AJM1: variants seen among roughly 807,000 people sequenced by gnomAD.
AJM1 encodes the protein apical junction component 1 homolog, also known as uncharacterized protein C9orf172.
AJM1 carries 22 observed loss-of-function variants against 43.0 expected under a neutral mutation model. That is an observed-to-expected ratio of 0.51 (90% CI 0.37 to 0.73). AJM1 has a LOEUF of 0.73. Among genes scored for constraint, AJM1 ranks in the 30% least tolerant of loss-of-function variants. The pLI is 0.00. For missense variants in AJM1, 1,305 were observed against 1,343.3 expected (o/e 0.97, Z 0.45); for synonymous variants, 719 against 638.3 (o/e 1.13, Z -1.91).
chr9:136,843,541 C>T (rs557643855), intron 1 of AJM1, among the ~76,000 whole-genome samples: 1 of 152,318 alleles, frequency 6.6e-6, no homozygotes, highest in East Asian at 1.9e-4. Flanking sequence ...CTTGCAAACC[C>T]TAGGGGGGTG....
chr9:136,844,796 G>A lies in AJM1; in HGVS notation c.382G>A (p.Ala128Thr). Residue 128 changes from alanine to threonine, a missense_variant, in exon 3 of 3, where the codon GCA (alanine) becomes ACA (threonine). By Grantham distance (58) the Ala-to-Thr change is moderately conservative. This residue lies in a region of AJM1 where 653 missense variants were observed against 549.1 expected (regional missense o/e 1.19). Transcript: ENST00000436881. ...GGCCCAGCGTGCGGCGCGGGCCGAGGCATCGCCGCGCCGGGAGCCCGCGTA... is the reference window on the plus strand; with the variant it reads ...GGCCCAGCGTGCGGCGCGGGCCGAGACATCGCCGCGCCGGGAGCCCGCGTA... Reference protein sequence around the residue: ...REAQRAARAEASPRREPAYPA... With the variant: ...REAQRAARAETSPRREPAYPA... 1 of 236,252 alleles carries A rather than the reference G, an allele frequency of 4.2e-6. No homozygotes were observed. Among genetic ancestry groups the A allele is most frequent in the Non-Finnish European group, 7.2e-6 (1 of 138,152 alleles). 14.6% of individuals were successfully genotyped at this position (236,252 alleles called of 1,614,324 possible). A position where few individuals can be genotyped will look rare whatever the true frequency, so the allele number is the denominator to read the frequency against.
rs528055709 is a variant in AJM1 at position 136,846,076 on chromosome 9, C to T, written c.1662C>T (p.Pro554=). 7.0e-5 allele frequency: 108 copies of T among 1,533,210 alleles called. 2 individuals carry two copies. In the African/African-American group the frequency reaches 1.1e-3, roughly 15 times the overall value. The allele number at this position is 1,533,210 out of a possible 1,614,324, so 95.0% of individuals were successfully genotyped here. A position where few individuals can be genotyped will look rare whatever the true frequency, so the allele number is the denominator to read the frequency against. Residue 554 remains proline (P), a synonymous_variant, in exon 3 of 3, where the codon CCC becomes CCT. Transcript: ENST00000436881. The part of the protein sequence containing the change: ...ERPSARAWEL[P]GGRTRPPPHA... ...CGAGCGCCAGGGCCTGGGAGTTGCCCGGGGGCCGCACGCGGCCACCTCCCC... is the reference window on the plus strand; with the variant it reads ...CGAGCGCCAGGGCCTGGGAGTTGCCTGGGGGCCGCACGCGGCCACCTCCCC...
chr9:136,846,035 C>A lies in AJM1; in HGVS notation c.1621C>A (p.Arg541Ser). The A allele has an allele frequency of 6.5e-7, 1 of 1,544,150 alleles. No homozygotes were observed. Among genetic ancestry groups the A allele is most frequent in the East Asian group, 2.5e-5 (1 of 40,794 alleles). The change falls in exon 3 of 3, where the codon CGC (arginine) becomes AGC (serine). Residue 541 changes from arginine to serine, a missense_variant. Arg to Ser is a moderately radical substitution (Grantham distance 110). Transcript: ENST00000436881. Reference protein sequence around the residue: ...PEITITDNDLRATERPSARAW... With the variant: ...PEITITDNDLSATERPSARAW... ...GATCACCATCACTGACAATGACCTG[C>A]GCGCCACCGAGCGCCCGAGCGCCAG...
Position 136,845,132 on chromosome 9 carries a change from A to C in AJM1, c.718A>C (p.Thr240Pro). Residue 240 changes from threonine to proline, a missense_variant, in exon 3 of 3, where the codon ACG becomes CCG. Thr to Pro is a conservative substitution (Grantham distance 38, BLOSUM62 -1). Around this residue, in one of 6 missense-constraint regions of AJM1, gnomAD observed 653 missense variants for 549.1 expected, o/e 1.19. Coordinates refer to ENST00000436881, the MANE Select transcript of AJM1 (RefSeq NM_001080482.5). ...PRHMALSRTP[T>P]PSDSYCADPR... ...CCACATGGCGCTGTCGCGCACCCCG[A>C]CGCCCAGCGACTCATACTGTGCGGA... 6.4e-7 allele frequency: 1 copy of C among 1,553,052 alleles called. No homozygotes were observed. Among genetic ancestry groups the C allele is most frequent in the Non-Finnish European group, 8.7e-7 (1 of 1,143,644 alleles).
In AJM1 at chr9:136,846,987, C is replaced by A; in HGVS notation, c.2573C>A (p.Ala858Glu). The A allele has an allele frequency of 8.2e-7, 1 of 1,225,072 alleles. No homozygotes were observed. The highest frequency in any genetic ancestry group is 1.1e-6 in the Non-Finnish European group (1 of 933,546). 75.9% of individuals were successfully genotyped at this position (1,225,072 alleles called of 1,614,324 possible). Residue 858 changes from alanine to glutamate, a missense_variant, in exon 3 of 3, where the codon GCG becomes GAG. Physicochemically the swap from Ala to Glu is moderately radical, Grantham distance 107. This residue lies in a region of AJM1 where 391 missense variants were observed against 507.5 expected (regional missense o/e 0.77). Transcript: ENST00000436881. ...AKVALAAGSP[A>E]RPPPARSREP... ...GTAGCGCTGGCGGCCGGCAGCCCCG[C>A]GCGGCCGCCCCCGGCGCGGAGCCGC... is the stretch of plus-strand genomic sequence containing the variant.
rs775046112 is a variant in AJM1 at position 136,846,460 on chromosome 9, C to T, written c.2046C>T (p.Tyr682=). The T allele has an allele frequency of 1.0e-5, 16 of 1,594,252 alleles. No homozygotes were observed. The highest frequency in any genetic ancestry group is 2.2e-5 in the East Asian group (1 of 44,724). The change falls in exon 3 of 3, where the codon TAC becomes TAT. Residue 682 remains tyrosine, a synonymous_variant. Transcript: ENST00000436881. ...RTETMFNACL[Y]FKSCHSCYTY... is the part of the protein sequence containing the mutation. The stretch of plus-strand genomic sequence containing the variant: ...AGACCATGTTCAACGCCTGCCTCTA[C>T]TTCAAGTCCTGCCACAGCTGCTACA...
Position 136,846,190 on chromosome 9 carries a change from A to G in AJM1, c.1776A>G (p.Arg592=). The G allele has an allele frequency of 6.6e-7, 1 of 1,510,496 alleles. No individual in the cohort carries two copies. Among genetic ancestry groups the G allele is most frequent in the Non-Finnish European group, 8.8e-7 (1 of 1,137,176 alleles). 93.6% of individuals were successfully genotyped at this position (1,510,496 alleles called of 1,614,324 possible). A position where few individuals can be genotyped will look rare whatever the true frequency, so the allele number is the denominator to read the frequency against. Reference sequence around the variant, plus strand: ...TCACGGACCTGGTCATCGACTCGCGACCCACCGCCGGCCAGGCCTCAGAGC... The same window carrying G: ...TCACGGACCTGGTCATCGACTCGCGGCCCACCGCCGGCCAGGCCTCAGAGC... ...ELITDLVIDS[R]PTAGQASEPA... is the part of the protein sequence containing the mutation. The change falls in exon 3 of 3, where the codon CGA becomes CGG. Residue 592 remains arginine, a synonymous_variant. Coordinates refer to ENST00000436881, the MANE Select transcript of AJM1 (RefSeq NM_001080482.5).
chr9:136,847,362 G>A lies in AJM1; in HGVS notation c.*17G>A, dbSNP rs1360934750. 8 of 1,484,814 alleles carry A rather than the reference G, an allele frequency of 5.4e-6. No individual in the cohort carries two copies. Among genetic ancestry groups the A allele is most frequent in the East Asian group, 2.7e-5 (1 of 37,270 alleles). The allele number at this position is 1,484,814 out of a possible 1,614,324, so 92.0% of individuals were successfully genotyped here. A position where few individuals can be genotyped will look rare whatever the true frequency, so the allele number is the denominator to read the frequency against. ...ATCATGTGAGGCGCCGGGCCCACCAGGCCTAGCCCAGGCGCTGGCCCGAAC... is the reference window on the plus strand; with the variant it reads ...ATCATGTGAGGCGCCGGGCCCACCAAGCCTAGCCCAGGCGCTGGCCCGAAC... On this transcript the variant is annotated 3_prime_UTR_variant, in exon 3 of 3. Coordinates refer to ENST00000436881, the MANE Select transcript of AJM1 (RefSeq NM_001080482.5).
rs1192558240 is a variant in AJM1 at position 136,845,989 on chromosome 9, C to G, written c.1575C>G (p.Arg525=). Residue 525 remains arginine (R), a synonymous_variant, in exon 3 of 3, where the codon CGC becomes CGG. Coordinates refer to ENST00000436881, the MANE Select transcript of AJM1 (RefSeq NM_001080482.5). Reference sequence around the variant, plus strand: ...GCCGCGCGGGCGAGGGCCTGGGCCGCAACTGGTACGTGACGCCCGAGATCA... The same window carrying G: ...GCCGCGCGGGCGAGGGCCTGGGCCGGAACTGGTACGTGACGCCCGAGATCA... The part of the protein sequence containing the change: ...EKGRAGEGLG[R]NWYVTPEITI... 6.4e-7 allele frequency: 1 copy of G among 1,552,936 alleles called. No individual in the cohort carries two copies. The highest frequency in any genetic ancestry group is 8.7e-7 in the Non-Finnish European group (1 of 1,149,836).
Position 136,847,090 on chromosome 9 carries a change from G to C in AJM1, c.2676G>C (p.Arg892=), listed in dbSNP as rs1204361640. 2.7e-6 allele frequency: 4 copies of C among 1,482,304 alleles called. No individual in the cohort carries two copies. The highest frequency in any genetic ancestry group is 3.6e-6 in the Non-Finnish European group (4 of 1,107,848). The allele number at this position is 1,482,304 out of a possible 1,614,324, so 91.8% of individuals were successfully genotyped here. The part of the protein sequence containing the change: ...AGLDQDGEAG[R]RAREVAFIHI... Reference sequence around the variant, plus strand: ...TGGATCAGGACGGCGAGGCGGGCCGGCGCGCGCGCGAGGTGGCCTTCATCC... The same window carrying C: ...TGGATCAGGACGGCGAGGCGGGCCGCCGCGCGCGCGAGGTGGCCTTCATCC... The change falls in exon 3 of 3, where the codon CGG becomes CGC. Residue 892 remains arginine, a synonymous_variant. Transcript: ENST00000436881.
chr9:136,846,278 G>A lies in AJM1; in HGVS notation c.1864G>A (p.Gly622Arg), dbSNP rs1295142970. The part of the protein sequence containing the change: ...RLLDSRPAGS[G>R]APALAPPRSP... ...GCTGGACTCGCGGCCCGCGGGCTCC[G>A]GGGCCCCCGCGCTGGCGCCGCCACG... The change falls in exon 3 of 3, where the codon GGG (glycine) becomes AGG (arginine). Residue 622 changes from glycine (G) to arginine (R), a missense_variant. By Grantham distance (125) the Gly-to-Arg change is moderately radical. Transcript: ENST00000436881. 4 of 1,222,476 alleles carry A rather than the reference G, an allele frequency of 3.3e-6. No homozygotes were observed. Among genetic ancestry groups the A allele is most frequent in the South Asian group, 2.8e-5 (1 of 35,850 alleles). The allele number at this position is 1,222,476 out of a possible 1,614,324, so 75.7% of individuals were successfully genotyped here. A position where few individuals can be genotyped will look rare whatever the true frequency, so the allele number is the denominator to read the frequency against.
Position 136,846,487 on chromosome 9 carries a change from C to A in AJM1, c.2073C>A (p.Thr691=). ...LYFKSCHSCY[T]YYCSRLCRRE... The stretch of plus-strand genomic sequence containing the variant: ...TCAAGTCCTGCCACAGCTGCTACAC[C>A]TACTACTGCTCGCGCCTGTGCCGCC... Residue 691 remains threonine (T), a synonymous_variant, in exon 3 of 3, where the codon ACC becomes ACA. Transcript: ENST00000436881. 1.3e-6 allele frequency: 2 copies of A among 1,592,554 alleles called. No individual in the cohort carries two copies. The highest frequency in any genetic ancestry group is 1.7e-6 in the Non-Finnish European group (2 of 1,176,062).
Position 136,845,591 on chromosome 9 carries a change from C to G in AJM1, c.1177C>G (p.Pro393Ala). Residue 393 changes from proline to alanine, a missense_variant, in exon 3 of 3, where the codon CCG becomes GCG. By Grantham distance (27) the Pro-to-Ala change is conservative. Coordinates refer to ENST00000436881, the MANE Select transcript of AJM1 (RefSeq NM_001080482.5). ...GCGTGACGTCCTGGCTCGGACGTAC[C>G]CGCACCCGCGCAGCAGCCCGGCCTG... ...RERDVLARTY[P>A]HPRSSPAWAD... 6.3e-7 allele frequency: 1 copy of G among 1,586,508 alleles called. No homozygotes were observed. Among genetic ancestry groups the G allele is most frequent in the South Asian group, 1.1e-5 (1 of 88,520 alleles).
Position 136,844,298 on chromosome 9 carries a change from G to A in AJM1, c.-60+19G>A. On this transcript the variant is annotated intron_variant, in intron 2 of 2. Transcript: ENST00000436881. ...GCCCCAGGTAAGCCGGGCCAGCGTG[G>A]GGGAGTAGCGGGGCCTGGGCTGCGG... 1.2e-6 allele frequency: 1 copy of A among 832,006 alleles called. No homozygotes were observed. The highest frequency in any genetic ancestry group is 2.0e-6 in the Non-Finnish European group (1 of 508,650). 51.5% of individuals were successfully genotyped at this position (832,006 alleles called of 1,614,324 possible).
Position 136,847,183 on chromosome 9 carries a change from G to A in AJM1, c.2769G>A (p.Gln923=), listed in dbSNP as rs760135775. 6 of 1,604,684 alleles carry A rather than the reference G, an allele frequency of 3.7e-6. No homozygotes were observed. The East Asian group carries it at 1.3e-4, about 36-fold the overall frequency. Residue 923 remains glutamine (Q), a synonymous_variant, in exon 3 of 3, where the codon CAG becomes CAA. Transcript: ENST00000436881. ...LRHEFPRVYE[Q]LCEFVEANRR... ...ACGAGTTCCCGCGCGTCTACGAGCA[G>A]CTTTGCGAGTTCGTCGAGGCCAACA...
In AJM1 at chr9:136,846,440, A is replaced by C. The variant is rs1233564692; in HGVS notation, c.2026A>C (p.Met676Leu). 2 of 1,593,240 alleles carry C rather than the reference A, an allele frequency of 1.3e-6. No individual in the cohort carries two copies. Among genetic ancestry groups the C allele is most frequent in the Middle Eastern group, 2.3e-4 (1 of 4,428 alleles). Residue 676 changes from methionine (M) to leucine (L), a missense_variant, in exon 3 of 3, where the codon ATG (methionine) becomes CTG (leucine). Physicochemically the swap from Met to Leu is conservative, Grantham distance 15. Coordinates refer to ENST00000436881, the MANE Select transcript of AJM1 (RefSeq NM_001080482.5). ...TGCGCGCTGCCGGCGCACCGAGACC[A>C]TGTTCAACGCCTGCCTCTACTTCAA... Reference protein sequence around the residue: ...SNARCRRTETMFNACLYFKSC... With the variant: ...SNARCRRTETLFNACLYFKSC...
chr9:136,846,673 C>T lies in AJM1; in HGVS notation c.2259C>T (p.Phe753=), dbSNP rs751948295. The T allele has an allele frequency of 3.1e-6, 5 of 1,602,418 alleles. No homozygotes were observed. Among genetic ancestry groups the T allele is most frequent in the East Asian group, 4.5e-5 (2 of 44,756 alleles). Residue 753 remains phenylalanine, a synonymous_variant, in exon 3 of 3, where the codon TTC becomes TTT. Transcript: ENST00000436881. ...TGTCGCGCGGCCGCGGCGTGCTCTT[C>T]CTGGGCTTCCCAAGTCCAGGCTCGG... ...GFLSRGRGVL[F]LGFPSPGSAD...
At position 136,845,519 on chromosome 9, in the gene AJM1, T is replaced by C. The variant is rs760621878; in HGVS notation, c.1105T>C (p.Ser369Pro). The C allele has an allele frequency of 6.3e-7, 1 of 1,597,864 alleles. No individual in the cohort carries two copies. ...TGTCCCCGAGGAGCCCCGGGCCCAC[T>C]CCACCGCCCGCCCCTTTTACACGGA... ...RYVPEEPRAHSTARPFYTEDF... is the reference protein window; with the variant it reads ...RYVPEEPRAHPTARPFYTEDF... The change falls in exon 3 of 3, where the codon TCC (serine) becomes CCC (proline). Residue 369 changes from serine to proline, a missense_variant. By Grantham distance (74) the Ser-to-Pro change is moderately conservative. Around this residue, in one of 6 missense-constraint regions of AJM1, gnomAD observed 653 missense variants for 549.1 expected, o/e 1.19. Transcript: ENST00000436881.
rs1420104969 is a variant in AJM1 at position 136,845,091 on chromosome 9, C to T, written c.677C>T (p.Thr226Met). ...ARPAPQFHGL[T>M]VPGPRHMALS... ...CCCGCCCCGCAGTTCCACGGCCTCACGGTGCCCGGGCCCCGCCACATGGCG... is the reference window on the plus strand; with the variant it reads ...CCCGCCCCGCAGTTCCACGGCCTCATGGTGCCCGGGCCCCGCCACATGGCG... The change falls in exon 3 of 3, where the codon ACG (threonine) becomes ATG (methionine). Residue 226 changes from threonine to methionine, a missense_variant. Around this residue, in one of 6 missense-constraint regions of AJM1, gnomAD observed 653 missense variants for 549.1 expected, o/e 1.19. Transcript: ENST00000436881. The T allele has an allele frequency of 3.0e-6, 4 of 1,331,892 alleles. No homozygotes were observed. Among genetic ancestry groups the T allele is most frequent in the Middle Eastern group, 2.5e-4 (1 of 3,952 alleles). The allele number at this position is 1,331,892 out of a possible 1,614,324, so 82.5% of individuals were successfully genotyped here. A position where few individuals can be genotyped will look rare whatever the true frequency, so the allele number is the denominator to read the frequency against.
Sources: allele counts gnomAD v4.1 joint callset (sites outside exome capture counted in the v4.1 genomes callset), GRCh38; gene constraint gnomAD v4.1.1; regional missense constraint gnomAD v4.1.1; transcripts MANE v1.5; gene names NCBI Gene and HGNC (gene_info 2026-07-23, HGNC 2026-07-21).